The following ADGRV1 variants were observed in gnomAD, a reference collection of about 807,000 sequenced individuals.
The protein encoded by ADGRV1 is G-protein coupled receptor 98.
Under a neutral mutation model 596.2 loss-of-function variants are expected in ADGRV1, and 359 were observed. The ratio of observed to expected loss-of-function variants is 0.60; its 90% CI spans 0.55 to 0.66. ADGRV1 has a LOEUF of 0.66. Among genes scored for constraint, ADGRV1 ranks in the 30% least tolerant of loss-of-function variants. The probability of loss-of-function intolerance (pLI) is 0.00; values close to 1 mark genes in which losing one functional copy is unlikely to be tolerated. For synonymous variants in ADGRV1, 2,681 were observed against 2,679.2 expected (o/e 1.00, Z -0.02); for missense variants, 7,274 against 7,575.6 (o/e 0.96, Z 1.48).
chr5:90,843,937 A>G (rs1034507544), intron 78 of ADGRV1, among the ~76,000 whole-genome samples: 1 of 152,204 alleles, frequency 6.6e-6, no homozygotes, highest in African/African-American at 2.4e-5. Context: ...CAAGAACTGA[A>G]AATTTGGATT....
In ADGRV1 at chr5:90,685,712, A is replaced by G. The variant is rs920067513; in HGVS notation, c.6275-68A>G. 5.5e-6 allele frequency: 6 copies of G among 1,081,110 alleles called. No individual in the cohort carries two copies. In the African/African-American group the frequency reaches 9.3e-5, roughly 17 times the overall value. 67.0% of individuals were successfully genotyped at this position (1,081,110 alleles called of 1,614,324 possible). A position where few individuals can be genotyped will look rare whatever the true frequency, so the allele number is the denominator to read the frequency against. On this transcript the variant is annotated intron_variant, in intron 28 of 89. Transcript: ENST00000405460. ...GATGGAATCTTGCTGAGGTTTCTTG[A>G]TGACTTTTGGCCAGTTCTTAGAATT...
intron 77 of ADGRV1, among the ~76,000 whole-genome samples, chr5:90,831,331 T>C (rs1764512119): frequency 2.0e-5 from 3 of 151,886 alleles, no homozygotes; most frequent in African/African-American, 7.2e-5. Flanking sequence ...ACACACCCTA[T>C]TCTGACCCTG....
chr5:90,858,185 G>A (rs945493773), intron 82 of ADGRV1, among the ~76,000 whole-genome samples: 1 of 152,162 alleles, frequency 6.6e-6, no homozygotes, highest in Admixed American at 6.5e-5. Flanking sequence ...TAAAATGAAA[G>A]GACAAATCAT....
At chr5:90,570,214 A>G (rs1756341865) in intron 1 of ADGRV1, among the ~76,000 whole-genome samples, 1 of 152,166 alleles carries the variant, frequency 6.6e-6, no homozygotes, top group Admixed American at 6.5e-5. Flanking sequence ...TTTGTTGCAT[A>G]TAGTATCCTT....
At chr5:90,973,020 A>G (rs1285036102) in intron 84 of ADGRV1, among the ~76,000 whole-genome samples, 1 of 152,216 alleles carries the variant, frequency 6.6e-6, no homozygotes, top group African/African-American at 2.4e-5. Context: ...TAAAGGGGAT[A>G]TCACCACCGA....
At chr5:90,695,699 A>G (rs962848797) in intron 33 of ADGRV1, among the ~76,000 whole-genome samples, 1 of 151,974 alleles carries the variant, frequency 6.6e-6, no homozygotes, top group East Asian at 1.9e-4. Flanking sequence ...CATAATAATC[A>G]TTATGTTTTA....
chr5:91,100,291 A>G (rs982417274), intron 86 of ADGRV1, among the ~76,000 whole-genome samples: 1 of 152,100 alleles, frequency 6.6e-6, no homozygotes, highest in Non-Finnish European at 1.5e-5. Flanking sequence ...GCGTGGTGGC[A>G]TGCGCCTATA....
intron 85 of ADGRV1, among the ~76,000 whole-genome samples, chr5:90,995,148 T>C (rs1279797553): frequency 1.3e-5 from 2 of 152,250 alleles, no homozygotes; most frequent in Non-Finnish European, 2.9e-5. Context: ...TGAGGTTTTT[T>C]GCTCCATTGT....
intron 83 of ADGRV1, among the ~76,000 whole-genome samples, chr5:90,887,953 G>T (rs80330545): frequency 0.016 from 2,461 of 152,060 alleles, 68 homozygotes; most frequent in African/African-American, 0.056. Context: ...AAGAACACAG[G>T]GTTGATCTCA....
chr5:90,852,867 G>A (rs1043043860), intron 79 of ADGRV1, among the ~76,000 whole-genome samples: 9 of 152,124 alleles, frequency 5.9e-5, no homozygotes, highest in Non-Finnish European at 1.2e-4. Context: ...GGATATATAA[G>A]GTTTATGATG....
intron 49 of ADGRV1, among the ~76,000 whole-genome samples, chr5:90,729,346 C>T (rs904123870): frequency 5.3e-5 from 8 of 152,028 alleles, no homozygotes. Context: ...TTGCTTTCTG[C>T]TGCTGAGTAG....
At chr5:91,059,139 A>G (rs759655801) in intron 85 of ADGRV1, among the ~76,000 whole-genome samples, 3 of 152,178 alleles carry the variant, frequency 2.0e-5, no homozygotes, top group African/African-American at 4.8e-5. Context: ...TCTTTTATTG[A>G]GTACCTACGG....
At chr5:90,780,755 C>T (rs1451034735) in intron 64 of ADGRV1, among the ~76,000 whole-genome samples, 2 of 152,088 alleles carry the variant, frequency 1.3e-5, no homozygotes, top group African/African-American at 4.8e-5. Flanking sequence ...GGACAGAGTG[C>T]AGTGGCACAA....
chr5:90,961,316 C>A (rs994095021), intron 83 of ADGRV1, among the ~76,000 whole-genome samples: 2 of 151,750 alleles, frequency 1.3e-5, no homozygotes, highest in Admixed American at 6.6e-5. Context: ...CTGGCTAACA[C>A]GATGAAAACC....
At position 91,027,682 on chromosome 5, in the gene ADGRV1, C is replaced by T. The variant is rs116397873; in HGVS notation, c.18152+42160C>T. On this transcript the variant is annotated intron_variant, in intron 85 of 89. Coordinates refer to ENST00000405460, the MANE Select transcript of ADGRV1 (RefSeq NM_032119.4). ...GTGTACTATGCTTTATACATTGGTC[C>T]AGACTATCTAATCAGGATCTCATTA... 5.3e-3 allele frequency among the ~76,000 whole-genome samples: 804 copies of T among 152,264 alleles called. 9 individuals carry two copies. Among genetic ancestry groups the T allele is most frequent in the Middle Eastern group, 0.02 (6 of 294 alleles).
chr5:90,683,114 A>G (rs1745155945), intron 27 of ADGRV1, among the ~76,000 whole-genome samples: 1 of 152,246 alleles, frequency 6.6e-6, no homozygotes, highest in South Asian at 2.1e-4. Context: ...TGGGCATAAA[A>G]GATACACAAA....
At chr5:90,631,085 T>G (rs1765441279) in intron 9 of ADGRV1, among the ~76,000 whole-genome samples, 1 of 152,242 alleles carries the variant, frequency 6.6e-6, no homozygotes, top group African/African-American at 2.4e-5. Context: ...TATACTCATA[T>G]TGATAGTTTG....
chr5:90,770,872 G>A (rs969659902), intron 59 of ADGRV1, among the ~76,000 whole-genome samples: 10 of 152,030 alleles, frequency 6.6e-5, no homozygotes, highest in African/African-American at 2.4e-4. Flanking sequence ...CCAAACATAT[G>A]TGTCTTATTC....
chr5:90,718,030 C>T (rs986028691), intron 43 of ADGRV1: 2 of 152,236 alleles, frequency 1.3e-5, no homozygotes, highest in East Asian at 1.9e-4. Context: ...TTTTAGTGAA[C>T]GTTTCAGTGG....
Sources: allele counts gnomAD v4.1 joint callset (sites outside exome capture counted in the v4.1 genomes callset), GRCh38; gene constraint gnomAD v4.1.1; transcripts MANE v1.5; gene names NCBI Gene and HGNC (gene_info 2026-07-23, HGNC 2026-07-21).